Variants in FNBP1L observed in about 807,000 individuals in gnomAD.
FNBP1L encodes formin binding protein 1 like, also known as formin-binding protein 1-like.
In FNBP1L, 36 loss-of-function variants were observed where a neutral mutation model predicts 91.2. That is an observed-to-expected ratio of 0.39 (90% CI 0.30 to 0.52). The LOEUF (loss-of-function observed/expected upper bound fraction) is 0.52. Among genes scored for constraint, FNBP1L ranks in the 20% least tolerant of loss-of-function variants. The pLI is 0.66. For missense variants in FNBP1L, 571 were observed against 732.1 expected (o/e 0.78, Z 2.54); for synonymous variants, 242 against 237.0 (o/e 1.02, Z -0.19).
intron 1 of FNBP1L, among the ~76,000 whole-genome samples, chr1:93,475,501 T>C (rs940373357): frequency 6.6e-6 from 1 of 152,140 alleles, no homozygotes; most frequent in Non-Finnish European, 1.5e-5. Flanking sequence ...GTTGTGCCAC[T>C]GCACTCCAGC....
intron 1 of FNBP1L, among the ~76,000 whole-genome samples, chr1:93,454,720 C>G (rs903081188): frequency 6.6e-6 from 1 of 151,876 alleles, no homozygotes; most frequent in Non-Finnish European, 1.5e-5. Flanking sequence ...CAACCATGGA[C>G]TGGAAATACT....
At chr1:93,462,363 C>T (rs1668900999) in intron 1 of FNBP1L, among the ~76,000 whole-genome samples, 1 of 151,816 alleles carries the variant, frequency 6.6e-6, no homozygotes, top group Non-Finnish European at 1.5e-5. Context: ...TTCCTTCTGC[C>T]CCAGTTTCTC....
At chr1:93,488,763 C>T (rs890429486) in intron 1 of FNBP1L, among the ~76,000 whole-genome samples, 1 of 152,170 alleles carries the variant, frequency 6.6e-6, no homozygotes, top group Non-Finnish European at 1.5e-5. Flanking sequence ...CTTGTAACTG[C>T]ACTAGTTCTC....
At chr1:93,521,045 AAACCAACCAACCAACCAACC>A (rs56108498) in intron 2 of FNBP1L, among the ~76,000 whole-genome samples, 2 of 150,816 alleles carry the variant, frequency 1.3e-5, no homozygotes, top group African/African-American at 4.9e-5. Flanking sequence ...CCATCTCAAT[AAACCAACCAACCAACCAACC>A]AACCAACCAA....
chr1:93,489,709 A>G (rs547771684), intron 1 of FNBP1L, among the ~76,000 whole-genome samples: 3 of 152,158 alleles, frequency 2.0e-5, no homozygotes, highest in Non-Finnish European at 4.4e-5. Context: ...TAAAAAAACA[A>G]CACCATGAGA....
intron 1 of FNBP1L, among the ~76,000 whole-genome samples, chr1:93,463,499 C>A (rs1668969246): frequency 6.6e-6 from 1 of 152,080 alleles, no homozygotes. Flanking sequence ...ATAAATATTT[C>A]CTTATGTAAC....
At position 93,532,947 on chromosome 1, in the gene FNBP1L, G is replaced by T; in HGVS notation, c.665G>T (p.Arg222Met). The change falls in exon 8 of 17, where the codon AGG (arginine) becomes ATG (methionine). Residue 222 changes from arginine to methionine, a missense_variant. Arg to Met is a moderately conservative substitution (Grantham distance 91, BLOSUM62 -1). Coordinates refer to ENST00000271234, the MANE Select transcript of FNBP1L (RefSeq NM_001164473.3). The stretch of plus-strand genomic sequence containing the variant: ...CAACTACAAGAAATGGACGAACGAA[G>T]GACTATTAAACTCAGTGAGTGTTAC... Reference protein sequence around the residue: ...YKQLQEMDERRTIKLSECYRG... With the variant: ...YKQLQEMDERMTIKLSECYRG... 1 of 1,604,622 alleles carries T rather than the reference G, an allele frequency of 6.2e-7. No individual in the cohort carries two copies.
chr1:93,511,333 G>T (rs1670832848), intron 2 of FNBP1L, among the ~76,000 whole-genome samples: 1 of 152,136 alleles, frequency 6.6e-6, no homozygotes, highest in Non-Finnish European at 1.5e-5. Flanking sequence ...TTTCAACCCA[G>T]AATTTCATAT....
chr1:93,522,151 GT>G lies in FNBP1L; in HGVS notation c.194+18del. ...AAGAGCCACGGTAAATTACATACCT[GT>G]TCATTAATGCATATTAAAAAATTTA... On this transcript the variant is annotated intron_variant, in intron 3 of 16. Coordinates refer to ENST00000271234, the MANE Select transcript of FNBP1L (RefSeq NM_001164473.3). 7.3e-7 allele frequency: 1 copy of G among 1,375,870 alleles called. No homozygotes were observed. 85.2% of individuals were successfully genotyped at this position (1,375,870 alleles called of 1,614,324 possible).
At position 93,554,136 on chromosome 1, in the gene FNBP1L, C is replaced by T. The variant is rs574864402; in HGVS notation, c.*1720C>T. 3 of 152,740 alleles carry T rather than the reference C, an allele frequency of 2.0e-5. No individual in the cohort carries two copies. Among genetic ancestry groups the T allele is most frequent in the South Asian group, 4.1e-4 (2 of 4,826 alleles). The allele number at this position is 152,740 out of a possible 1,614,324, so 9.5% of individuals were successfully genotyped here. A position where few individuals can be genotyped will look rare whatever the true frequency, so the allele number is the denominator to read the frequency against. The stretch of plus-strand genomic sequence containing the variant: ...ACTATAAAGTTTAGATATTGAATCT[C>T]GTTACAGGGTTATTTATATAATGTG... On this transcript the variant is annotated 3_prime_UTR_variant, in exon 17 of 17. Transcript: ENST00000271234.
At chr1:93,455,656 G>A (rs1272776736) in intron 1 of FNBP1L, among the ~76,000 whole-genome samples, 1 of 152,184 alleles carries the variant, frequency 6.6e-6, no homozygotes, top group Non-Finnish European at 1.5e-5. Context: ...CCACTCTTCT[G>A]CTTTAATTCC....
At chr1:93,458,843 A>G (rs1020706506) in intron 1 of FNBP1L, among the ~76,000 whole-genome samples, 9 of 152,212 alleles carry the variant, frequency 5.9e-5, no homozygotes, top group African/African-American at 4.8e-5. Context: ...TATTATTAGT[A>G]TTGTTGTTAA....
chr1:93,536,861 T>TTATAAAATATTATTTTATTGAC (rs1361817242), intron 10 of FNBP1L, among the ~76,000 whole-genome samples: 30 of 152,098 alleles, frequency 2.0e-4, no homozygotes, highest in Non-Finnish European at 3.8e-4. Context: ...CCTGCCAATT[T>TTATAAAATATTATTTTATTGAC]TATAAAATAT....
chr1:93,537,517 C>A (rs1372540078), intron 10 of FNBP1L, among the ~76,000 whole-genome samples: 1 of 152,072 alleles, frequency 6.6e-6, no homozygotes, highest in Non-Finnish European at 1.5e-5. Flanking sequence ...TGCTTTAAAA[C>A]ATTATGACAA....
Position 93,499,595 on chromosome 1 carries a change from T to A in FNBP1L, c.140+12T>A. 1.4e-6 allele frequency: 2 copies of A among 1,456,074 alleles called. No individual in the cohort carries two copies. The highest frequency in any genetic ancestry group is 4.7e-5 in the East Asian group (2 of 42,166). The allele number at this position is 1,456,074 out of a possible 1,614,324, so 90.2% of individuals were successfully genotyped here. ...GCGAAACAATTGAGGTAAGTTAATT[T>A]TTTTTTCAGTTTTTAGAATGAAATT... On this transcript the variant is annotated intron_variant, in intron 2 of 16. Coordinates refer to ENST00000271234, the MANE Select transcript of FNBP1L (RefSeq NM_001164473.3).
At chr1:93,500,201 G>T (rs1351951580) in intron 2 of FNBP1L, among the ~76,000 whole-genome samples, 1 of 152,088 alleles carries the variant, frequency 6.6e-6, no homozygotes, top group Non-Finnish European at 1.5e-5. Flanking sequence ...GTAGGGTTTA[G>T]GATAAAAAAG....
At chr1:93,541,282 TGGA>T (rs1175452815) in intron 11 of FNBP1L, among the ~76,000 whole-genome samples, 3 of 152,222 alleles carry the variant, frequency 2.0e-5, no homozygotes, top group Non-Finnish European at 4.4e-5. Flanking sequence ...TGTCATTGAA[TGGA>T]GTCCTTGTCA....
At chr1:93,504,790 T>G (rs575900732) in intron 2 of FNBP1L, among the ~76,000 whole-genome samples, 3 of 152,196 alleles carry the variant, frequency 2.0e-5, no homozygotes, top group Admixed American at 6.5e-5. Context: ...CTTGTTTTTT[T>G]GTTGTAGAGT....
intron 1 of FNBP1L, among the ~76,000 whole-genome samples, chr1:93,461,266 G>T (rs958418594): frequency 5.3e-5 from 8 of 152,116 alleles, no homozygotes; most frequent in South Asian, 2.1e-4. Flanking sequence ...GAAGGCCCAG[G>T]AGGTATGCAG....
Sources: gnomAD v4.1 joint callset for allele counts (sites outside exome capture counted in the v4.1 genomes callset) on GRCh38, gnomAD v4.1.1 for gene constraint, MANE v1.5 for transcripts, NCBI Gene and HGNC (gene_info 2026-07-23, HGNC 2026-07-21) for gene names.